Variants in CD163L1 observed in about 807,000 individuals in gnomAD.
The protein encoded by CD163L1 is scavenger receptor cysteine-rich type 1 protein M160.
In CD163L1, 124 loss-of-function variants were observed where a neutral mutation model predicts 165.4. The ratio of observed to expected loss-of-function variants is 0.75; its 90% CI spans 0.65 to 0.87. The LOEUF (loss-of-function observed/expected upper bound fraction) is 0.87. Among genes scored for constraint, CD163L1 ranks in the 40% least tolerant of loss-of-function variants. The pLI, the probability that CD163L1 is intolerant of heterozygous loss-of-function variation, is 0.00. For synonymous variants in CD163L1, 585 were observed against 662.2 expected, an observed-to-expected ratio of 0.88 and a Z score of 1.79; for missense variants, 1,525 against 1,799.9, an observed-to-expected ratio of 0.85 and a Z score of 2.76.
downstream of CD163L1, among the ~76,000 whole-genome samples, chr12:7,342,525 C>T (rs1460355744): frequency 6.6e-6 from 1 of 152,190 alleles, no homozygotes; most frequent in Non-Finnish European, 1.5e-5. Flanking sequence ...CCTGATTTCC[C>T]ACTCCACACC....
intron 18 of CD163L1, among the ~76,000 whole-genome samples, chr12:7,359,216 A>G (rs1321819798): frequency 6.6e-6 from 1 of 152,020 alleles, no homozygotes; most frequent in Non-Finnish European, 1.5e-5. Context: ...AACTAATGAC[A>G]GAAACCAAAG....
chr12:7,324,501 A>AC, the CD163L1 span: 1 of 1,613,968 alleles, frequency 6.2e-7, no homozygotes, highest in Non-Finnish European at 8.5e-7. Flanking sequence ...CTCTTCAGGT[A>AC]CCGTATTGGG....
downstream of CD163L1, among the ~76,000 whole-genome samples, chr12:7,354,207 T>G (rs1946732924): frequency 1.3e-5 from 2 of 152,084 alleles, no homozygotes; most frequent in Admixed American, 1.3e-4. Context: ...GGCTTCTTTT[T>G]TTTGTTTGTT....
At chr12:7,439,340 T>G in intron 2 of CD163L1, 1 of 1,591,576 alleles carries the variant, frequency 6.3e-7, no homozygotes, top group Admixed American at 1.8e-5. Context: ...CTTCATCTTT[T>G]TTGGGCTTTT....
intron 4 of CD163L1, among the ~76,000 whole-genome samples, chr12:7,408,514 T>G (rs1046464660): frequency 2.6e-5 from 4 of 152,216 alleles, no homozygotes; most frequent in African/African-American, 9.6e-5. Flanking sequence ...GGGATACATG[T>G]GATATTCTGA....
rs754024855 is a variant in CD163L1, at chr12:7,433,363, TAG to T, written c.445+9_445+10del. 8 of 1,571,426 alleles carry T rather than the reference TAG, an allele frequency of 5.1e-6. No individual in the cohort carries two copies. Among genetic ancestry groups the T allele is most frequent in the Admixed American group, 1.7e-5 (1 of 57,422 alleles). ...TCTTACCTTGCCTTCCTACTCTAGTTAGACTCTTACCATAACAGTTCACACCA... is the reference window on the plus strand; with the variant it reads ...TCTTACCTTGCCTTCCTACTCTAGTTACTCTTACCATAACAGTTCACACCA... On this transcript the variant is annotated intron_variant, in intron 3 of 19. Transcript: ENST00000313599.
chr12:7,404,604 G>A (rs1490852575), intron 5 of CD163L1, among the ~76,000 whole-genome samples: 1 of 152,014 alleles, frequency 6.6e-6, no homozygotes, highest in African/African-American at 2.4e-5. Context: ...TGAAATAATT[G>A]AGGAAAGGAG....
downstream of CD163L1, among the ~76,000 whole-genome samples, chr12:7,354,605 G>GA (rs1946738389): frequency 6.6e-6 from 1 of 152,128 alleles, no homozygotes; most frequent in Admixed American, 6.6e-5. Flanking sequence ...TTGGGCTGCT[G>GA]TAAGAGAATA....
intron 4 of CD163L1, among the ~76,000 whole-genome samples, chr12:7,427,842 T>C (rs1948570979): frequency 6.6e-6 from 1 of 152,150 alleles, no homozygotes; most frequent in African/African-American, 2.4e-5. Context: ...TGATTAATTA[T>C]AACTTACTTC....
intron 2 of CD163L1, chr12:7,439,225 A>C: frequency 5.1e-6 from 8 of 1,580,316 alleles, no homozygotes; most frequent in Non-Finnish European, 4.3e-6. Context: ...GGGATTCGAC[A>C]AATTTTCTTT....
chr12:7,339,651 C>A, the CD163L1 span, among the ~76,000 whole-genome samples: 1 of 152,124 alleles, frequency 6.6e-6, no homozygotes, highest in Non-Finnish European at 1.5e-5. Flanking sequence ...TAAGCTTAGA[C>A]TAAGACCACT....
At chr12:7,387,963 G>A (rs1947557619) in intron 8 of CD163L1, among the ~76,000 whole-genome samples, 1 of 152,124 alleles carries the variant, frequency 6.6e-6, no homozygotes, top group South Asian at 2.1e-4. Context: ...AGAGAACCTA[G>A]AAATAAGTCC....
chr12:7,392,164 A>C (rs917605044), intron 8 of CD163L1, among the ~76,000 whole-genome samples: 1 of 152,232 alleles, frequency 6.6e-6, no homozygotes, highest in African/African-American at 2.4e-5. Context: ...AATTGACCAC[A>C]TAATTGGAAG....
chr12:7,391,276 A>G (rs907971590), intron 8 of CD163L1, among the ~76,000 whole-genome samples: 8 of 152,210 alleles, frequency 5.3e-5, no homozygotes, highest in Non-Finnish European at 1.0e-4. Flanking sequence ...CCAGAGCAGC[A>G]AAGTAGAAAA....
chr12:7,337,109 C>G, the CD163L1 span, among the ~76,000 whole-genome samples: 2 of 152,150 alleles, frequency 1.3e-5, no homozygotes, highest in Non-Finnish European at 2.9e-5. Context: ...GGAAAACTGG[C>G]TAGCCATATG....
intron 2 of CD163L1, among the ~76,000 whole-genome samples, chr12:7,438,318 AG>A (rs1255147058): frequency 1.3e-5 from 2 of 152,198 alleles, no homozygotes; most frequent in African/African-American, 4.8e-5. Context: ...CATTTTGCAA[AG>A]CCATATAAAA....
At chr12:7,364,883 T>C (rs1213730681) in intron 18 of CD163L1, among the ~76,000 whole-genome samples, 1 of 152,164 alleles carries the variant, frequency 6.6e-6, no homozygotes, top group Non-Finnish European at 1.5e-5. Context: ...GCAATCTCTT[T>C]GAAAACACTA....
At chr12:7,360,131 A>G (rs1270613540) in intron 18 of CD163L1, among the ~76,000 whole-genome samples, 2 of 151,954 alleles carry the variant, frequency 1.3e-5, no homozygotes, top group African/African-American at 2.4e-5. Flanking sequence ...TAACACTCCA[A>G]TGATATGTAC....
chr12:7,381,461 G>A (rs1947406559), intron 8 of CD163L1, among the ~76,000 whole-genome samples: 1 of 152,140 alleles, frequency 6.6e-6, no homozygotes, highest in African/African-American at 2.4e-5. Flanking sequence ...GAAAAATAGA[G>A]TTGTAATGTA....
Sources: allele counts gnomAD v4.1 joint callset (sites outside exome capture counted in the v4.1 genomes callset), GRCh38; gene constraint gnomAD v4.1.1; transcripts MANE v1.5; gene names NCBI Gene and HGNC (gene_info 2026-07-23, HGNC 2026-07-21).